Variants in SLCO3A1 observed in about 807,000 individuals in gnomAD.
SLCO3A1 encodes solute carrier organic anion transporter family member 3A1.
In SLCO3A1, 27 loss-of-function variants were observed where a neutral mutation model predicts 63.1. That is an observed-to-expected ratio of 0.43 (90% confidence interval 0.32 to 0.59). SLCO3A1 has a LOEUF of 0.59. Ranked by LOEUF, SLCO3A1 falls within the 20% of genes least tolerant of loss-of-function variation. The probability of loss-of-function intolerance (pLI) is 0.09; values close to 1 mark genes in which losing one functional copy is unlikely to be tolerated. For missense variants in SLCO3A1, 773 were observed against 945.8 expected, an observed-to-expected ratio of 0.82 and a Z score of 2.40; for synonymous variants, 473 against 409.9, an observed-to-expected ratio of 1.15 and a Z score of -1.86.
At chr15:92,019,362 A>G (rs58901888) in intron 2 of SLCO3A1, among the ~76,000 whole-genome samples, 2,482 of 152,302 alleles carry the variant, frequency 0.016, 77 homozygotes, top group African/African-American at 0.056. Flanking sequence ...TCATAGGGAA[A>G]TCAAATCAGG....
chr15:92,072,179 C>T (rs1026875801), intron 2 of SLCO3A1, among the ~76,000 whole-genome samples: 3 of 150,596 alleles, frequency 2.0e-5, no homozygotes, highest in African/African-American at 7.3e-5. Context: ...GCCTGATAAG[C>T]GTAACCACCA....
rs550537730 is a variant in SLCO3A1, at chr15:92,048,410, A to G, written c.647-46471A>G. On this transcript the variant is annotated intron_variant, in intron 2 of 9. Coordinates refer to ENST00000318445, the MANE Select transcript of SLCO3A1 (RefSeq NM_013272.4). ...TGTTGTCACTGGGAAGGAGTCCCCA[A>G]CCTAGTTGACTGCAATAATCCAGAC... 1.1e-4 allele frequency among the ~76,000 whole-genome samples: 16 copies of G among 152,158 alleles called. No homozygotes were observed. In the South Asian group the frequency reaches 2.5e-3, roughly 24 times the overall value.
At position 91,944,687 on chromosome 15, in the gene SLCO3A1, T is replaced by C. The variant is rs528536927; in HGVS notation, c.646+28229T>C. 1.1e-4 allele frequency among the ~76,000 whole-genome samples: 16 copies of C among 152,184 alleles called. No homozygotes were observed. In the South Asian group the frequency reaches 3.3e-3, roughly 32 times the overall value. Reference sequence around the variant, plus strand: ...TTCCCACTCTCCCCCGAGATGCTTTTCAAAGAGGAGCCTGCTTTGAGTTCT... The same window carrying C: ...TTCCCACTCTCCCCCGAGATGCTTTCCAAAGAGGAGCCTGCTTTGAGTTCT... On this transcript the variant is annotated intron_variant, in intron 2 of 9. Transcript: ENST00000318445.
intron 2 of SLCO3A1, among the ~76,000 whole-genome samples, chr15:91,973,075 A>T (rs1409126837): frequency 6.6e-6 from 1 of 152,246 alleles, no homozygotes; most frequent in African/African-American, 2.4e-5. Flanking sequence ...AGATCACGCC[A>T]TTGCACTCCA....
At chr15:91,971,191 C>T (rs1026594514) in intron 2 of SLCO3A1, among the ~76,000 whole-genome samples, 6 of 151,686 alleles carry the variant, frequency 4.0e-5, no homozygotes, top group Non-Finnish European at 5.9e-5. Context: ...ATCAGGAGAT[C>T]GAAACCATCC....
At chr15:92,141,953 T>G (rs2048139055) in intron 7 of SLCO3A1, among the ~76,000 whole-genome samples, 2 of 152,190 alleles carry the variant, frequency 1.3e-5, no homozygotes, top group South Asian at 4.1e-4. Context: ...TCCCCATGTG[T>G]GGGACCACCC....
chr15:92,120,936 A>T (rs971478324), intron 5 of SLCO3A1, among the ~76,000 whole-genome samples: 2 of 152,126 alleles, frequency 1.3e-5, no homozygotes, highest in African/African-American at 4.8e-5. Flanking sequence ...AAGAAGGATA[A>T]ATCTTGAAAG....
intron 1 of SLCO3A1, among the ~76,000 whole-genome samples, chr15:91,903,239 A>G (rs1176309210): frequency 6.6e-6 from 1 of 152,212 alleles, no homozygotes; most frequent in Non-Finnish European, 1.5e-5. Flanking sequence ...GACCTGAGGA[A>G]CAGATGGCCT....
Position 92,150,945 on chromosome 15 carries a change from C to A in SLCO3A1, c.1689-5C>A, listed in dbSNP as rs1249864769. On this transcript the variant is annotated splice_region_variant and splice_polypyrimidine_tract_variant and intron_variant, in intron 8 of 9. Transcript: ENST00000318445. The stretch of plus-strand genomic sequence containing the variant: ...TTTTTTTTCTCTTCATCTCTTTGCA[C>A]GTAGGACAGTCAGCCCTGAACTCAA... 6.2e-7 allele frequency: 1 copy of A among 1,604,336 alleles called. No homozygotes were observed. Among genetic ancestry groups the A allele is most frequent in the Non-Finnish European group, 8.5e-7 (1 of 1,176,052 alleles).
Position 91,913,656 on chromosome 15 carries a change from G to A in SLCO3A1, c.181-2337G>A, listed in dbSNP as rs146004939. Among the ~76,000 whole-genome samples the A allele has an allele frequency of 1.1e-3, 167 of 152,316 alleles. 1 individual carries two copies. Among genetic ancestry groups the A allele is most frequent in the African/African-American group, 3.9e-3 (164 of 41,560 alleles). ...TAGAAGCATGCTAATTAGCACAGGC[G>A]TATGTTTATATGTGCATAGATACAC... On this transcript the variant is annotated intron_variant, in intron 1 of 9. Coordinates refer to ENST00000318445, the MANE Select transcript of SLCO3A1 (RefSeq NM_013272.4).
At chr15:91,981,260 G>C (rs774965378) in intron 2 of SLCO3A1, among the ~76,000 whole-genome samples, 1 of 152,136 alleles carries the variant, frequency 6.6e-6, no homozygotes, top group East Asian at 1.9e-4. Context: ...ATTTCTCCCT[G>C]CTCCTTTGTG....
intron 2 of SLCO3A1, among the ~76,000 whole-genome samples, chr15:91,994,104 A>G (rs938702123): frequency 1.3e-5 from 2 of 152,188 alleles, no homozygotes; most frequent in African/African-American, 4.8e-5. Flanking sequence ...GACATGATAA[A>G]TGTTTATTGT....
At chr15:91,911,526 A>G (rs993722185) in intron 1 of SLCO3A1, among the ~76,000 whole-genome samples, 1 of 152,182 alleles carries the variant, frequency 6.6e-6, no homozygotes, top group African/African-American at 2.4e-5. Context: ...GATGGTGAGT[A>G]TGTGCCTGGT....
Position 92,089,395 on chromosome 15 carries a change from G to A in SLCO3A1, c.647-5486G>A, listed in dbSNP as rs1246614611. ...TGTGGAGGACTCGGTGCAGGGTGGG[G>A]TCTTCCTGTAGCCCCTCACCATCAT... On this transcript the variant is annotated intron_variant, in intron 2 of 9. Coordinates refer to ENST00000318445, the MANE Select transcript of SLCO3A1 (RefSeq NM_013272.4). 3.3e-5 allele frequency among the ~76,000 whole-genome samples: 5 copies of A among 151,508 alleles called. No individual in the cohort carries two copies. The South Asian group carries it at 6.3e-4, about 19-fold the overall frequency.
intron 2 of SLCO3A1, among the ~76,000 whole-genome samples, chr15:92,010,297 A>G (rs563577219): frequency 3.9e-5 from 6 of 152,284 alleles, no homozygotes; most frequent in African/African-American, 1.4e-4. Flanking sequence ...CAACACCAAT[A>G]AAATATATGG....
intron 2 of SLCO3A1, among the ~76,000 whole-genome samples, chr15:91,999,485 A>G (rs1232092037): frequency 6.6e-6 from 1 of 152,252 alleles, no homozygotes; most frequent in Non-Finnish European, 1.5e-5. Context: ...GGTAATGAGC[A>G]TAAAAAACAT....
chr15:91,870,233 A>T (rs1897254436), intron 1 of SLCO3A1, among the ~76,000 whole-genome samples: 1 of 152,218 alleles, frequency 6.6e-6, no homozygotes, highest in South Asian at 2.1e-4. Context: ...ATTCTTATAC[A>T]TGGAAAAATG....
intron 9 of SLCO3A1, chr15:92,157,338 ACAC>A (rs2048383397): frequency 6.6e-6 from 1 of 152,196 alleles, no homozygotes; most frequent in East Asian, 1.9e-4. Flanking sequence ...CTAAAGAAAT[ACAC>A]CACCATCATC....
At position 91,932,478 on chromosome 15, in the gene SLCO3A1, C is replaced by T. The variant is rs141385367; in HGVS notation, c.646+16020C>T. Among the ~76,000 whole-genome samples the T allele has an allele frequency of 4.1e-3, 615 of 151,836 alleles. 4 individuals carry two copies. The highest frequency in any genetic ancestry group is 0.013 in the African/African-American group (533 of 41,388). ...TTTTTTTTTTTGAGACAGGGTCTTGCTCTATTGCCCAGGCTGGAGTGCAAT... is the reference window on the plus strand; with the variant it reads ...TTTTTTTTTTTGAGACAGGGTCTTGTTCTATTGCCCAGGCTGGAGTGCAAT... On this transcript the variant is annotated intron_variant, in intron 2 of 9. Coordinates refer to ENST00000318445, the MANE Select transcript of SLCO3A1 (RefSeq NM_013272.4).
Sources: gnomAD v4.1 joint callset for allele counts (sites outside exome capture counted in the v4.1 genomes callset) on GRCh38, gnomAD v4.1.1 for gene constraint, MANE v1.5 for transcripts, NCBI Gene and HGNC (gene_info 2026-07-23, HGNC 2026-07-21) for gene names.